The following ZSWIM6 variants were observed in gnomAD, a reference collection of about 807,000 sequenced individuals.
ZSWIM6 encodes the protein zinc finger SWIM domain-containing protein 6.
A neutral mutation model predicts 113.2 loss-of-function variants in ZSWIM6; 9 were observed. The ratio of observed to expected loss-of-function variants is 0.08; its 90% CI spans 0.05 to 0.14. The LOEUF is 0.14. Among genes scored for constraint, ZSWIM6 ranks in the 10% least tolerant of loss-of-function variants. The pLI, the probability that ZSWIM6 is intolerant of heterozygous loss-of-function variation, is 1.00. For synonymous variants in ZSWIM6, 611 were observed against 606.5 expected (o/e 1.01, Z -0.11); for missense variants, 1,162 against 1,552.2 (o/e 0.75, Z 4.22).
chr5:61,418,970 C>T (rs191081020), intron 1 of ZSWIM6, among the ~76,000 whole-genome samples: 14 of 152,278 alleles, frequency 9.2e-5, no homozygotes, highest in Admixed American at 3.3e-4. Flanking sequence ...TACAGGTGTG[C>T]GCCGCCATGC....
At chr5:61,338,698 C>T (rs1018204323) in intron 1 of ZSWIM6, among the ~76,000 whole-genome samples, 5 of 152,098 alleles carry the variant, frequency 3.3e-5, no homozygotes, top group Non-Finnish European at 7.4e-5. Flanking sequence ...GTGAAAATGG[C>T]GGATTTGGGT....
chr5:61,417,954 T>G (rs1421739753), intron 1 of ZSWIM6, among the ~76,000 whole-genome samples: 1 of 152,174 alleles, frequency 6.6e-6, no homozygotes, highest in African/African-American at 2.4e-5. Context: ...AATTCGAAGG[T>G]ACTTTATTGG....
At position 61,332,341 on chromosome 5, in the gene ZSWIM6, C is replaced by CGGCGGG. The variant is rs1299296212; in HGVS notation, c.73_78dup (p.Gly25_Gly26dup). 3.8e-6 allele frequency: 4 copies of CGGCGGG among 1,041,474 alleles called. No individual in the cohort carries two copies. Among genetic ancestry groups the CGGCGGG allele is most frequent in the Non-Finnish European group, 4.7e-6 (4 of 850,152 alleles). 64.5% of individuals were successfully genotyped at this position (1,041,474 alleles called of 1,614,324 possible). A position where few individuals can be genotyped will look rare whatever the true frequency, so the allele number is the denominator to read the frequency against. Reference sequence around the variant, plus strand: ...GCTGCCGGCCGGGCGGCGGCGGCGGCGGCGGGGGCAGCAGCGGCGGCGGCG... The same window carrying CGGCGGG: ...GCTGCCGGCCGGGCGGCGGCGGCGGCGGCGGGGGCGGGGGCAGCAGCGGCGGCGGCG... On this transcript the variant is annotated inframe_insertion, in exon 1 of 14. Transcript: ENST00000252744.
chr5:61,497,167 C>CG (rs1466469293), intron 4 of ZSWIM6, among the ~76,000 whole-genome samples: 2 of 150,732 alleles, frequency 1.3e-5, no homozygotes, highest in African/African-American at 4.9e-5. Context: ...AGTGTACAAG[C>CG]GAGAGTATGC....
chr5:61,359,951 A>G (rs1579952244), intron 1 of ZSWIM6, among the ~76,000 whole-genome samples: 1 of 152,148 alleles, frequency 6.6e-6, no homozygotes, highest in Non-Finnish European at 1.5e-5. Context: ...GGAGGAACAA[A>G]AAGAAAAAAG....
chr5:61,352,363 A>G (rs562068742), intron 1 of ZSWIM6, among the ~76,000 whole-genome samples: 1 of 152,236 alleles, frequency 6.6e-6, no homozygotes, highest in African/African-American at 2.4e-5. Flanking sequence ...GTATATGTAC[A>G]TCTGTTTGTA....
chr5:61,530,002 C>G, intron 7 of ZSWIM6, 50 bp from the exon 8 acceptor site: 1 of 1,460,128 alleles, frequency 6.8e-7, no homozygotes, highest in South Asian at 1.4e-5. Context: ...ACTTCTTTCC[C>G]TTCATCTCCC....
chr5:61,493,471 G>T (rs1748234942), intron 3 of ZSWIM6, among the ~76,000 whole-genome samples: 1 of 151,978 alleles, frequency 6.6e-6, no homozygotes, highest in African/African-American at 2.4e-5. Context: ...AAAACTAAAG[G>T]CCAAGTGTTA....
intron 1 of ZSWIM6, chr5:61,375,227 C>A: frequency 6.2e-7 from 1 of 1,612,880 alleles, no homozygotes; most frequent in South Asian, 1.1e-5. Flanking sequence ...CGACCAAGGC[C>A]TACCTGGGAA....
At chr5:61,389,378 AC>A (rs1745653906) in intron 1 of ZSWIM6, among the ~76,000 whole-genome samples, 1 of 151,588 alleles carries the variant, frequency 6.6e-6, no homozygotes, top group African/African-American at 2.4e-5. Flanking sequence ...ACATGGTGAA[AC>A]CCTGTCTCTA....
intron 4 of ZSWIM6, among the ~76,000 whole-genome samples, chr5:61,508,835 A>C (rs1200974262): frequency 6.6e-6 from 1 of 152,106 alleles, no homozygotes; most frequent in African/African-American, 2.4e-5. Flanking sequence ...CGGCCTTGCT[A>C]TCAGAAAGTC....
chr5:61,418,990 T>G (rs934006418), intron 1 of ZSWIM6, among the ~76,000 whole-genome samples: 17 of 152,178 alleles, frequency 1.1e-4, no homozygotes, highest in Admixed American at 6.5e-5. Context: ...CCTGGCTAAT[T>G]TTTGTGTTTT....
chr5:61,382,601 T>C (rs1042965402), intron 1 of ZSWIM6, among the ~76,000 whole-genome samples: 1 of 152,006 alleles, frequency 6.6e-6, no homozygotes, highest in African/African-American at 2.4e-5. Flanking sequence ...GTCAGGAGTT[T>C]GAGACCAGCC....
chr5:61,527,721 A>G (rs1749324927), intron 7 of ZSWIM6, among the ~76,000 whole-genome samples: 1 of 152,218 alleles, frequency 6.6e-6, no homozygotes, highest in Non-Finnish European at 1.5e-5. Flanking sequence ...CAAAGAGTGC[A>G]GGACTTGTTA....
chr5:61,349,961 C>T (rs1477057231), intron 1 of ZSWIM6, among the ~76,000 whole-genome samples: 2 of 152,188 alleles, frequency 1.3e-5, no homozygotes, highest in African/African-American at 4.8e-5. Context: ...TGTGAAATGA[C>T]ACTGTCTAAT....
Position 61,544,043 on chromosome 5 carries a change from G to A in ZSWIM6, c.3374G>A (p.Arg1125Lys). 2.6e-6 allele frequency: 4 copies of A among 1,552,076 alleles called. No individual in the cohort carries two copies. Among genetic ancestry groups the A allele is most frequent in the Non-Finnish European group, 3.5e-6 (4 of 1,147,090 alleles). ...GGCATGGTGGGACTTCATGGGAGGA[G>A]GAACTCTGGTAAGCTCATGTCACTG... ...TPGMVGLHGR[R>K]NSGKLMSLDK... The change falls in exon 14 of 14, where the codon AGG (arginine) becomes AAG (lysine). Residue 1125 changes from arginine (R) to lysine (K), a missense_variant. Physicochemically the swap from Arg to Lys is conservative, Grantham distance 26. Coordinates refer to ENST00000252744, the MANE Select transcript of ZSWIM6 (RefSeq NM_020928.2).
intron 1 of ZSWIM6, among the ~76,000 whole-genome samples, chr5:61,456,601 C>T (rs1747209880): frequency 6.6e-6 from 1 of 152,180 alleles, no homozygotes; most frequent in Non-Finnish European, 1.5e-5. Flanking sequence ...ATGAATTTCT[C>T]CTGCTGTGCA....
intron 1 of ZSWIM6, among the ~76,000 whole-genome samples, chr5:61,464,838 C>T (rs930504719): frequency 6.6e-6 from 1 of 152,242 alleles, no homozygotes; most frequent in Non-Finnish European, 1.5e-5. Flanking sequence ...TCTTCTGCTT[C>T]CTCCTCGTTT....
intron 1 of ZSWIM6, chr5:61,375,090 A>G (rs570747759): frequency 4.4e-6 from 7 of 1,600,148 alleles, no homozygotes; most frequent in African/African-American, 1.3e-5. Flanking sequence ...TCGGTGTGCT[A>G]CTGTGCGCGC....
Sources: allele counts gnomAD v4.1 joint callset (sites outside exome capture counted in the v4.1 genomes callset), GRCh38; gene constraint gnomAD v4.1.1; transcripts MANE v1.5; gene names NCBI Gene and HGNC (gene_info 2026-07-23, HGNC 2026-07-21).